CENPL: variants seen among roughly 807,000 people sequenced by gnomAD.
CENPL encodes centromere protein L.
In CENPL, 20 loss-of-function variants were observed where a neutral mutation model predicts 35.2. That is an observed-to-expected ratio of 0.57 (90% confidence interval 0.40 to 0.83). The LOEUF (loss-of-function observed/expected upper bound fraction) is 0.83, where lower values mean the gene tolerates loss of function less well. Among genes scored for constraint, CENPL ranks in the 40% least tolerant of loss-of-function variants. CENPL has a pLI of 0.00. For synonymous variants in CENPL, 140 were observed against 140.6 expected (o/e 1.00, Z 0.03); for missense variants, 363 against 395.8 (o/e 0.92, Z 0.70).
chr1:173,800,332 G>A lies in CENPL; in HGVS notation c.*116C>T. On this transcript the variant is annotated 3_prime_UTR_variant, in exon 6 of 6. Transcript: ENST00000682279. ...ATCTTGGCAACTCCAAAGGCATGGT[G>A]GGGAAAACAGATGCAGAGATAGATG... 1 of 538,610 alleles carries A rather than the reference G, an allele frequency of 1.9e-6. No homozygotes were observed. Among genetic ancestry groups the A allele is most frequent in the Non-Finnish European group, 3.4e-6 (1 of 294,372 alleles). 33.4% of individuals were successfully genotyped at this position (538,610 alleles called of 1,614,324 possible). A position where few individuals can be genotyped will look rare whatever the true frequency, so the allele number is the denominator to read the frequency against.
intron 4 of CENPL, 78 bp from the exon 5 acceptor site, chr1:173,803,583 T>C (rs181593762): frequency 1.5e-6 from 2 of 1,341,652 alleles, no homozygotes; most frequent in Admixed American, 5.2e-5. Context: ...AATTAGTTCA[T>C]TAAAAATAAG....
At chr1:173,815,870 T>C (rs1233995724) in intron 2 of CENPL, among the ~76,000 whole-genome samples, 2 of 152,182 alleles carry the variant, frequency 1.3e-5, no homozygotes, top group Non-Finnish European at 1.5e-5. Context: ...TAAAGGGTAT[T>C]CAATTAGGAA....
rs752933190 is a variant in CENPL, at chr1:173,803,474, T to C, written c.452A>G (p.Asn151Ser). 4 of 1,584,166 alleles carry C rather than the reference T, an allele frequency of 2.5e-6. No homozygotes were observed. The highest frequency in any genetic ancestry group is 1.7e-6 in the Non-Finnish European group (2 of 1,162,364). The change falls in exon 5 of 6, where the codon AAT becomes AGT. Residue 151 changes from asparagine to serine, a missense_variant. By Grantham distance (46) the Asn-to-Ser change is conservative (BLOSUM62 1). Transcript: ENST00000682279. ...AGTCCACAGCACTTTACCTTCTCTA[T>C]TCTCAGATGGCAATTGAGATTTTGA... is the stretch of plus-strand genomic sequence containing the variant. ...IVSKSQLPSE[N>S]REGKVLWTGW...
rs1557843174 is a variant in CENPL at position 173,799,866 on chromosome 1, C to CT, written c.*581dup. ...AACGCTGTATTTATTTATTTTATTT[C>CT]TTTTTTATTTTTTGAGGCAGAGTCT... On this transcript the variant is annotated 3_prime_UTR_variant, in exon 6 of 6. Coordinates refer to ENST00000682279, the MANE Select transcript of CENPL (RefSeq NM_001387287.1). The CT allele has an allele frequency of 6.6e-6, 1 of 152,100 alleles. No homozygotes were observed. The highest frequency in any genetic ancestry group is 1.9e-4 in the East Asian group (1 of 5,172). 9.4% of individuals were successfully genotyped at this position (152,100 alleles called of 1,614,324 possible). A position where few individuals can be genotyped will look rare whatever the true frequency, so the allele number is the denominator to read the frequency against.
At chr1:173,802,266 C>T (rs1011785830) in intron 5 of CENPL, among the ~76,000 whole-genome samples, 4 of 151,660 alleles carry the variant, frequency 2.6e-5, no homozygotes, top group South Asian at 4.2e-4. Flanking sequence ...AGTGCAGTGG[C>T]GCGATCTCGG....
At chr1:173,815,220 C>A (rs954403484) in intron 2 of CENPL, among the ~76,000 whole-genome samples, 3 of 151,990 alleles carry the variant, frequency 2.0e-5, no homozygotes, top group African/African-American at 7.2e-5. Flanking sequence ...AAAAAGGCTA[C>A]GACCAGATGG....
chr1:173,813,998 G>C (rs894339181), intron 2 of CENPL, among the ~76,000 whole-genome samples: 1 of 151,532 alleles, frequency 6.6e-6, no homozygotes, highest in Non-Finnish European at 1.5e-5. Context: ...CAAGCAAATG[G>C]AAAGCAAAAA....
intron 3 of CENPL, among the ~76,000 whole-genome samples, chr1:173,809,446 G>A (rs1471582718): frequency 1.3e-5 from 2 of 151,920 alleles, no homozygotes; most frequent in African/African-American, 4.8e-5. Flanking sequence ...AAAAAAATTA[G>A]CCAGGCATGG....
At chr1:173,817,976 G>A (rs933690303) in intron 2 of CENPL, among the ~76,000 whole-genome samples, 12 of 152,036 alleles carry the variant, frequency 7.9e-5, no homozygotes, top group African/African-American at 1.9e-4. Flanking sequence ...GACACAGGGC[G>A]GGGAATATCA....
chr1:173,805,485 AACCTGGTG>A (rs1245007522), intron 4 of CENPL, among the ~76,000 whole-genome samples: 4 of 151,608 alleles, frequency 2.6e-5, no homozygotes, highest in Admixed American at 2.6e-4. Context: ...ACTGCACTCC[AACCTGGTG>A]ACAGAGAAGC....
chr1:173,813,105 C>T (rs941117635), intron 2 of CENPL, among the ~76,000 whole-genome samples: 6 of 151,902 alleles, frequency 3.9e-5, no homozygotes, highest in African/African-American at 7.3e-5. Flanking sequence ...CGAAATAAAG[C>T]GAGAAGACAA....
chr1:173,811,079 G>T, intron 3 of CENPL, 53 bp downstream of exon 3: 1 of 1,519,114 alleles, frequency 6.6e-7, no homozygotes, highest in Non-Finnish European at 9.1e-7. Context: ...GAAATGTTTT[G>T]TTCACAGATA....
rs1650794955 is a variant in CENPL, at chr1:173,811,254, T to C, written c.46A>G (p.Arg16Gly). The change falls in exon 3 of 6, where the codon AGA (arginine) becomes GGA (glycine). Residue 16 changes from arginine (R) to glycine (G), a missense_variant. By Grantham distance (125) the Arg-to-Gly change is moderately radical (BLOSUM62 -2). Coordinates refer to ENST00000682279, the MANE Select transcript of CENPL (RefSeq NM_001387287.1). Reference sequence around the variant, plus strand: ...GCACCTATAAAGTAATCTTCAGGTCTTGAGGATGCACTAGGAGTTGACTCT... The same window carrying C: ...GCACCTATAAAGTAATCTTCAGGTCCTGAGGATGCACTAGGAGTTGACTCT... Reference protein sequence around the residue: ...APESTPSASSRPEDYFIGATP... With the variant: ...APESTPSASSGPEDYFIGATP... 6.2e-7 allele frequency: 1 copy of C among 1,612,966 alleles called. No homozygotes were observed. The highest frequency in any genetic ancestry group is 8.5e-7 in the Non-Finnish European group (1 of 1,178,980).
At chr1:173,817,993 G>C (rs1000326277) in intron 2 of CENPL, among the ~76,000 whole-genome samples, 2 of 151,950 alleles carry the variant, frequency 1.3e-5, no homozygotes, top group Admixed American at 6.6e-5. Context: ...ATCACATACC[G>C]GGGCCTGTCG....
At chr1:173,806,456 C>T in intron 4 of CENPL, 1 of 445,374 alleles carries the variant, frequency 2.2e-6, no homozygotes, top group Non-Finnish European at 4.5e-6. Flanking sequence ...TGGTGGCATG[C>T]ACCTGCAGTC....
chr1:173,806,454 T>G (rs1237247041), intron 4 of CENPL: 1 of 446,022 alleles, frequency 2.2e-6, no homozygotes, highest in African/African-American at 2.0e-5. Context: ...TGTGGTGGCA[T>G]GCACCTGCAG....
intron 3 of CENPL, among the ~76,000 whole-genome samples, 196 bp downstream of exon 3, chr1:173,810,936 A>G (rs956665458): frequency 2.0e-5 from 3 of 152,166 alleles, no homozygotes; most frequent in Non-Finnish European, 4.4e-5. Context: ...AAATAAATAC[A>G]TAAATACAAA....
chr1:173,803,294 A>G lies in CENPL; in HGVS notation c.632T>C (p.Leu211Ser). 1.9e-6 allele frequency: 3 copies of G among 1,613,070 alleles called. No individual in the cohort carries two copies. Residue 211 changes from leucine to serine, a missense_variant, in exon 5 of 6, where the codon TTA (leucine) becomes TCA (serine). Leu to Ser is a moderately radical substitution (Grantham distance 145). Transcript: ENST00000682279. ...QKTFDCYFSP[L>S]AINAFNLSWM... ...GGAAAGATTAAATGCATTGATTGCT[A>G]AAGGACTGAAATAACAGTCAAAGGT...
At chr1:173,817,689 T>C (rs1234392964) in intron 2 of CENPL, among the ~76,000 whole-genome samples, 1 of 152,176 alleles carries the variant, frequency 6.6e-6, no homozygotes, top group African/African-American at 2.4e-5. Flanking sequence ...CATGCTATTA[T>C]AAAGACACAT....
Sources: allele counts gnomAD v4.1 joint callset (sites outside exome capture counted in the v4.1 genomes callset), GRCh38; gene constraint gnomAD v4.1.1; transcripts MANE v1.5; gene names NCBI Gene and HGNC (gene_info 2026-07-23, HGNC 2026-07-21).